Variants in CHST11 observed in about 807,000 individuals in gnomAD.
CHST11 encodes C4S-1.
Under a neutral mutation model 30.4 loss-of-function variants are expected in CHST11, and 9 were observed. The ratio of observed to expected loss-of-function variants is 0.30; its 90% confidence interval spans 0.18 to 0.52. The LOEUF is 0.52. Among genes scored for constraint, CHST11 ranks in the 20% least tolerant of loss-of-function variants. The pLI, the probability that CHST11 is intolerant of heterozygous loss-of-function variation, is 0.97. For missense variants in CHST11, 348 were observed against 460.6 expected, an observed-to-expected ratio of 0.76 and a Z score of 2.24; for synonymous variants, 152 against 187.8, an observed-to-expected ratio of 0.81 and a Z score of 1.56.
chr12:104,501,050 C>T (rs2037849037), intron 1 of CHST11, among the ~76,000 whole-genome samples: 2 of 152,300 alleles, frequency 1.3e-5, no homozygotes, highest in East Asian at 1.9e-4. Context: ...CAGGACACTT[C>T]ATTATGCCTT....
At chr12:104,656,090 G>A (rs907704422) in intron 2 of CHST11, among the ~76,000 whole-genome samples, 7 of 152,200 alleles carry the variant, frequency 4.6e-5, no homozygotes, top group Admixed American at 1.3e-4. Flanking sequence ...CGAACAAACC[G>A]TAAAAGATTT....
At chr12:104,540,009 C>T (rs1302803635) in intron 1 of CHST11, among the ~76,000 whole-genome samples, 2 of 152,132 alleles carry the variant, frequency 1.3e-5, no homozygotes, top group African/African-American at 2.4e-5. Flanking sequence ...TGCATATAAC[C>T]TATGTGCCTC....
intron 1 of CHST11, among the ~76,000 whole-genome samples, chr12:104,499,358 C>T (rs950520386): frequency 6.6e-6 from 1 of 152,018 alleles, no homozygotes; most frequent in African/African-American, 2.4e-5. Context: ...GCTTGTACCT[C>T]CTGGTCCCCT....
chr12:104,557,745 G>A (rs1196851157), intron 1 of CHST11, among the ~76,000 whole-genome samples: 1 of 152,078 alleles, frequency 6.6e-6, no homozygotes, highest in Non-Finnish European at 1.5e-5. Context: ...TGGGAAGAGA[G>A]GCGAGGAAAC....
intron 2 of CHST11, among the ~76,000 whole-genome samples, chr12:104,689,590 A>G (rs2039879167): frequency 6.6e-6 from 1 of 152,220 alleles, no homozygotes; most frequent in Non-Finnish European, 1.5e-5. Context: ...CTTGCCAGGC[A>G]CTGTGGTAGA....
intron 1 of CHST11, among the ~76,000 whole-genome samples, chr12:104,499,273 T>A (rs1275100553): frequency 6.6e-6 from 1 of 151,940 alleles, no homozygotes; most frequent in Non-Finnish European, 1.5e-5. Flanking sequence ...GGGGTAGGAG[T>A]GTCTTTGGGA....
At chr12:104,525,122 T>C (rs368661615) in intron 1 of CHST11, among the ~76,000 whole-genome samples, 1 of 132,818 alleles carries the variant, frequency 7.5e-6, no homozygotes, top group African/African-American at 2.8e-5. Flanking sequence ...TTTTTTTTTT[T>C]AAGAGACAGT....
At chr12:104,619,871 G>A (rs911344900) in intron 2 of CHST11, among the ~76,000 whole-genome samples, 2 of 152,300 alleles carry the variant, frequency 1.3e-5, no homozygotes, top group South Asian at 2.1e-4. Flanking sequence ...CTTTTCAAGA[G>A]CAACTCAAAA....
intron 1 of CHST11, among the ~76,000 whole-genome samples, chr12:104,532,252 C>A (rs890542579): frequency 1.3e-5 from 2 of 152,158 alleles, no homozygotes; most frequent in African/African-American, 4.8e-5. Context: ...GGAGTGCCTT[C>A]CCTCTCCCTT....
chr12:104,556,588 C>T (rs947046931), intron 1 of CHST11, among the ~76,000 whole-genome samples: 4 of 152,312 alleles, frequency 2.6e-5, no homozygotes, highest in East Asian at 1.9e-4. Context: ...CCCGTAGACA[C>T]GTCTCTCCAG....
chr12:104,676,944 T>C lies in CHST11; in HGVS notation c.204+74953T>C, dbSNP rs1201399171. ...TTGTTTCTATAGGGGCTGTGTGGTG[T>C]GGGCCCCATCCCAGCCCCTGCCCTT... On this transcript the variant is annotated intron_variant, in intron 2 of 2. Coordinates refer to ENST00000303694, the MANE Select transcript of CHST11 (RefSeq NM_018413.6). This position sits in a 1 kb window ranked among gnomAD's most constrained non-coding sequence, Gnocchi z 4.4. 6.6e-6 allele frequency among the ~76,000 whole-genome samples: 1 copy of C among 152,184 alleles called. No individual in the cohort carries two copies.
chr12:104,461,205 C>T (rs1282885514), intron 1 of CHST11, among the ~76,000 whole-genome samples: 1 of 152,124 alleles, frequency 6.6e-6, no homozygotes, highest in African/African-American at 2.4e-5. Flanking sequence ...ATTTGCAGCC[C>T]GTGAGGTGTA....
chr12:104,712,067 G>A (rs938630820), intron 2 of CHST11, among the ~76,000 whole-genome samples: 1 of 152,188 alleles, frequency 6.6e-6, no homozygotes, highest in Non-Finnish European at 1.5e-5. Context: ...GGCAGGTCAG[G>A]AATGAGTGGT....
intron 1 of CHST11, among the ~76,000 whole-genome samples, chr12:104,562,339 A>G (rs1486621647): frequency 6.6e-6 from 1 of 152,070 alleles, no homozygotes; most frequent in Non-Finnish European, 1.5e-5. Flanking sequence ...AGGGATTTAG[A>G]CTTCCTACTG....
At chr12:104,752,700 TGTATTTTTA>T (rs2040443622) in intron 2 of CHST11, among the ~76,000 whole-genome samples, 2 of 152,176 alleles carry the variant, frequency 1.3e-5, no homozygotes, top group Non-Finnish European at 2.9e-5. Context: ...GCTAATTTTT[TGTATTTTTA>T]GTACAAATGG....
At chr12:104,717,109 A>C (rs1566051510) in intron 2 of CHST11, among the ~76,000 whole-genome samples, 1 of 152,194 alleles carries the variant, frequency 6.6e-6, no homozygotes, top group Non-Finnish European at 1.5e-5. Context: ...AATCCAGGCT[A>C]ATCTTTTTAT....
intron 2 of CHST11, among the ~76,000 whole-genome samples, chr12:104,741,063 T>C (rs1161379219): frequency 6.6e-6 from 1 of 152,254 alleles, no homozygotes; most frequent in African/African-American, 2.4e-5. Flanking sequence ...TCTGCAAGTA[T>C]TGGGCACCAA....
intron 1 of CHST11, among the ~76,000 whole-genome samples, chr12:104,574,558 A>G (rs1337902489): frequency 1.3e-5 from 2 of 152,176 alleles, no homozygotes; most frequent in Non-Finnish European, 2.9e-5. Context: ...TGTCCTTTGT[A>G]GGGACATGGA....
chr12:104,719,029 A>G (rs1463971938), intron 2 of CHST11, among the ~76,000 whole-genome samples: 1 of 152,128 alleles, frequency 6.6e-6, no homozygotes, highest in Non-Finnish European at 1.5e-5. Flanking sequence ...ACGGCCACTT[A>G]GGTTGAGGGT....
Sources: gnomAD v4.1 joint callset for allele counts (sites outside exome capture counted in the v4.1 genomes callset) on GRCh38, gnomAD v4.1.1 for gene constraint, Gnocchi (gnomAD v3.1) non-coding constraint, MANE v1.5 for transcripts, NCBI Gene and HGNC (gene_info 2026-07-23, HGNC 2026-07-21) for gene names.